Variants in CA10 observed in about 807,000 individuals in gnomAD.
The protein encoded by CA10 is carbonic anhydrase-related protein 10.
Under a neutral mutation model 44.2 loss-of-function variants are expected in CA10, and 14 were observed. That is an observed-to-expected ratio of 0.32 (90% CI 0.21 to 0.50). CA10 has a LOEUF of 0.50. CA10 is among the 20% of genes least tolerant of loss of function. The probability of loss-of-function intolerance (pLI) is 0.99; values close to 1 mark genes in which losing one functional copy is unlikely to be tolerated. For synonymous variants in CA10, 159 were observed against 141.6 expected (o/e 1.12, Z -0.87); for missense variants, 350 against 409.7 (o/e 0.85, Z 1.26).
At chr17:52,083,089 A>G (rs1277718684) in intron 1 of CA10, among the ~76,000 whole-genome samples, 1 of 152,222 alleles carries the variant, frequency 6.6e-6, no homozygotes. Flanking sequence ...CTAGGAGCAT[A>G]CTAATAACTC....
chr17:51,752,551 G>A (rs1415064786), intron 3 of CA10, among the ~76,000 whole-genome samples: 1 of 152,070 alleles, frequency 6.6e-6, no homozygotes, highest in African/African-American at 2.4e-5. Flanking sequence ...GTGGCAGGTG[G>A]CAAACCCAGG....
At chr17:51,765,303 G>A (rs1372460442) in intron 3 of CA10, among the ~76,000 whole-genome samples, 1 of 152,152 alleles carries the variant, frequency 6.6e-6, no homozygotes, top group African/African-American at 2.4e-5. Context: ...TCTGGGACAG[G>A]CTCCGAGAAA....
intron 6 of CA10, among the ~76,000 whole-genome samples, chr17:51,640,003 C>T (rs1913015722): frequency 6.6e-6 from 1 of 152,194 alleles, no homozygotes; most frequent in Non-Finnish European, 1.5e-5. Flanking sequence ...CTGCTCCTCT[C>T]CTCAAGGACT....
intron 3 of CA10, among the ~76,000 whole-genome samples, chr17:51,846,348 CTTGGGTG>C (rs1289367773): frequency 6.6e-6 from 1 of 152,224 alleles, no homozygotes; most frequent in Non-Finnish European, 1.5e-5. Flanking sequence ...GATCACACCC[CTTGGGTG>C]AATAGACAAG....
chr17:51,770,720 C>T (rs181162581), intron 3 of CA10, among the ~76,000 whole-genome samples: 38 of 152,128 alleles, frequency 2.5e-4, no homozygotes, highest in Non-Finnish European at 5.9e-5. Context: ...TCTGGGGAGG[C>T]CTCAGGGGGC....
intron 2 of CA10, among the ~76,000 whole-genome samples, chr17:52,004,877 C>T (rs1248943401): frequency 6.6e-6 from 1 of 151,680 alleles, no homozygotes; most frequent in African/African-American, 2.4e-5. Flanking sequence ...TATGAAAATC[C>T]CCAATTATTT....
intron 2 of CA10, among the ~76,000 whole-genome samples, chr17:51,981,219 A>C (rs1183118848): frequency 6.6e-6 from 1 of 152,096 alleles, no homozygotes; most frequent in African/African-American, 2.4e-5. Context: ...AGACTTGCAC[A>C]CAAATATTCA....
At chr17:51,864,703 A>C (rs1438254254) in intron 3 of CA10, among the ~76,000 whole-genome samples, 1 of 152,206 alleles carries the variant, frequency 6.6e-6, no homozygotes, top group Non-Finnish European at 1.5e-5. Flanking sequence ...TTGATGCAGG[A>C]CAGCATTTCA....
chr17:52,092,049 C>T (rs982150390), intron 1 of CA10, among the ~76,000 whole-genome samples: 1 of 152,056 alleles, frequency 6.6e-6, no homozygotes, highest in African/African-American at 2.4e-5. Context: ...TTAAAACAAC[C>T]TGTCTTTCTC....
intron 3 of CA10, among the ~76,000 whole-genome samples, chr17:51,801,622 G>A (rs1276956407): frequency 6.6e-6 from 1 of 152,060 alleles, no homozygotes; most frequent in African/African-American, 2.4e-5. Context: ...ACGAAATCTA[G>A]AAAGAAGAGT....
chr17:51,684,663 T>A (rs1336678104), intron 4 of CA10, among the ~76,000 whole-genome samples: 12 of 152,192 alleles, frequency 7.9e-5, no homozygotes, highest in Non-Finnish European at 1.5e-5. Context: ...AATGGTTCTC[T>A]TTAGTATTAA....
intron 4 of CA10, among the ~76,000 whole-genome samples, chr17:51,668,817 C>T (rs1597974017): frequency 1.3e-5 from 2 of 152,126 alleles, no homozygotes; most frequent in East Asian, 3.9e-4. Context: ...CACTCGTGGG[C>T]CAGCGCGAGT....
chr17:51,900,748 T>C (rs146711471), intron 3 of CA10, among the ~76,000 whole-genome samples: 4 of 152,270 alleles, frequency 2.6e-5, no homozygotes, highest in African/African-American at 9.6e-5. Flanking sequence ...CTAAGTTATT[T>C]TGGAAAAGCA....
Position 52,099,173 on chromosome 17 carries a change from C to T in CA10, c.62-26780G>A, listed in dbSNP as rs140203893. On this transcript the variant is annotated intron_variant, in intron 1 of 8. Coordinates refer to ENST00000451037, the MANE Select transcript of CA10 (RefSeq NM_020178.5). ...TAGATAATAAGAAAAAAAAGGGTCA[C>T]AGGCAGGAAAATAGATGGTACTAGA... Among the ~76,000 whole-genome samples, 394 of 152,168 alleles carry T rather than the reference C, an allele frequency of 2.6e-3. 4 individuals are homozygous for T. In the South Asian group the frequency reaches 0.03, roughly 12 times the overall value.
intron 3 of CA10, among the ~76,000 whole-genome samples, chr17:51,782,082 G>A (rs1906085786): frequency 6.6e-6 from 1 of 152,130 alleles, no homozygotes; most frequent in South Asian, 2.1e-4. Flanking sequence ...CAGACTGTTT[G>A]CTGAATATTT....
At chr17:52,089,224 TGAG>T (rs1408685796) in intron 1 of CA10, among the ~76,000 whole-genome samples, 3 of 152,196 alleles carry the variant, frequency 2.0e-5, no homozygotes, top group African/African-American at 7.2e-5. Context: ...TGACCTTAAC[TGAG>T]TTTTTGTGTC....
chr17:51,729,854 A>C (rs1257169250), intron 4 of CA10, among the ~76,000 whole-genome samples: 1 of 152,250 alleles, frequency 6.6e-6, no homozygotes, highest in Non-Finnish European at 1.5e-5. Flanking sequence ...CCATGTGGTC[A>C]GATAAAGGGA....
At chr17:52,143,165 T>A (rs114909780) in intron 1 of CA10, among the ~76,000 whole-genome samples, 1,913 of 152,286 alleles carry the variant, frequency 0.013, 37 homozygotes, top group African/African-American at 0.044. Flanking sequence ...ACTGCTTTAG[T>A]ATTAAATCTT....
intron 3 of CA10, among the ~76,000 whole-genome samples, chr17:51,799,255 A>G (rs1906835596): frequency 6.6e-6 from 1 of 152,210 alleles, no homozygotes; most frequent in Admixed American, 6.5e-5. Context: ...ATGCTGCAAA[A>G]TAAATAACCA....
Sources: gnomAD v4.1 joint callset for allele counts (sites outside exome capture counted in the v4.1 genomes callset) on GRCh38, gnomAD v4.1.1 for gene constraint, MANE v1.5 for transcripts, NCBI Gene and HGNC (gene_info 2026-07-23, HGNC 2026-07-21) for gene names.